CYP3A43: variants seen among roughly 807,000 people sequenced by gnomAD.
CYP3A43 encodes the protein cytochrome P450 3A43.
A neutral mutation model predicts 58.0 loss-of-function variants in CYP3A43; 45 were observed. The ratio of observed to expected loss-of-function variants is 0.78; its 90% CI spans 0.61 to 0.99. CYP3A43 has a LOEUF of 0.99. Among genes scored for constraint, CYP3A43 ranks in the 50% least tolerant of loss-of-function variants. The pLI is 0.00. For missense variants in CYP3A43, 593 were observed against 591.9 expected, an observed-to-expected ratio of 1.00 and a Z score of -0.02; for synonymous variants, 191 against 201.4, an observed-to-expected ratio of 0.95 and a Z score of 0.44.
intron 7 of CYP3A43, chr7:99,850,177 G>A (rs1044670709): frequency 5.9e-5 from 19 of 320,180 alleles, no homozygotes; most frequent in Non-Finnish European, 9.1e-5. Flanking sequence ...GGCTGGTCTC[G>A]AACCCCTAAC....
chr7:99,844,112 G>C (rs756662761), intron 3 of CYP3A43, 31 bp from the exon 4 acceptor site: 1 of 1,568,056 alleles, frequency 6.4e-7, no homozygotes, highest in African/African-American at 1.4e-5. Flanking sequence ...AGGCAAGCGA[G>C]GTTTAGTCAG....
Position 99,847,163 on chromosome 7 carries a change from G to T in CYP3A43, c.319-325G>T, listed in dbSNP as rs561199406. On this transcript the variant is annotated intron_variant, in intron 4 of 12. Coordinates refer to ENST00000354829, the MANE Select transcript of CYP3A43 (RefSeq NM_057095.3). ...TCCCTTTCTGCTTTGCACAACCCTG[G>T]AGGAGTTGCTAGGTCTTGTTCCCAT... Among the ~76,000 whole-genome samples, 24 of 152,202 alleles carry T rather than the reference G, an allele frequency of 1.6e-4. 2 individuals carry two copies. The South Asian group carries it at 5.0e-3, about 32-fold the overall frequency.
intron 1 of CYP3A43, among the ~76,000 whole-genome samples, chr7:99,832,247 TA>T (rs111403180): frequency 0.017 from 2,408 of 141,402 alleles, 62 homozygotes; most frequent in African/African-American, 0.055. Flanking sequence ...GTTCAAAAGA[TA>T]AAAAAAAAAA....
rs914691315 is a variant in CYP3A43, at chr7:99,866,012, G to A, written c.*11G>A. ...ACAAGTGGACCCTGACTTTCCCTAAGGACTTCCACTTTGTTCAAGAAAGCT... is the reference window on the plus strand; with the variant it reads ...ACAAGTGGACCCTGACTTTCCCTAAAGACTTCCACTTTGTTCAAGAAAGCT... On this transcript the variant is annotated 3_prime_UTR_variant, in exon 13 of 13. Transcript: ENST00000354829. The A allele has an allele frequency of 3.2e-6, 5 of 1,550,650 alleles. No individual in the cohort carries two copies. The highest frequency in any genetic ancestry group is 4.4e-6 in the Non-Finnish European group (5 of 1,136,646).
At chr7:99,861,957 T>C in intron 11 of CYP3A43, 118 bp downstream of exon 11, 1 of 852,248 alleles carries the variant, frequency 1.2e-6, no homozygotes, top group Non-Finnish European at 1.8e-6. Context: ...GGAAGTTTTT[T>C]ATTACAAAAT....
At chr7:99,841,915 G>A (rs1817348442) in intron 3 of CYP3A43, among the ~76,000 whole-genome samples, 1 of 152,130 alleles carries the variant, frequency 6.6e-6, no homozygotes. Flanking sequence ...TACTACCTAC[G>A]AGGTTTTCTT....
At position 99,845,049 on chromosome 7, in the gene CYP3A43, C is replaced by T. The variant is rs551067638; in HGVS notation, c.318+807C>T. ...GCGCCATTGCACTCCAGCCTGGCAA[C>T]AGAGCAAGACTCAGTCTCAAAAAAA... On this transcript the variant is annotated intron_variant, in intron 4 of 12. Coordinates refer to ENST00000354829, the MANE Select transcript of CYP3A43 (RefSeq NM_057095.3). Among the ~76,000 whole-genome samples, 16 of 139,482 alleles carry T rather than the reference C, an allele frequency of 1.1e-4. No individual in the cohort carries two copies. The South Asian group carries it at 2.4e-3, about 21-fold the overall frequency. The allele number at this position is 139,482 out of a possible 152,430, so 91.5% of individuals were successfully genotyped here. A position where few individuals can be genotyped will look rare whatever the true frequency, so the allele number is the denominator to read the frequency against.
At chr7:99,849,920 C>T in intron 7 of CYP3A43, 1 of 596,758 alleles carries the variant, frequency 1.7e-6, no homozygotes, top group South Asian at 1.6e-5. Flanking sequence ...AACCACATAC[C>T]ATTTAACCAT....
chr7:99,861,597 G>A lies in CYP3A43; in HGVS notation c.1027-16G>A. ...TCCCAATCTCAATTTATCCAAATCT[G>A]TTTCTTTCTTCCCAGGCACCTGTCA... is the stretch of plus-strand genomic sequence containing the variant. On this transcript the variant is annotated splice_polypyrimidine_tract_variant and intron_variant, in intron 10 of 12. Transcript: ENST00000354829. The A allele has an allele frequency of 6.2e-7, 1 of 1,609,554 alleles. No individual in the cohort carries two copies. The highest frequency in any genetic ancestry group is 8.5e-7 in the Non-Finnish European group (1 of 1,177,120).
At chr7:99,861,872 A>G in intron 11 of CYP3A43, 33 bp downstream of exon 11, 4 of 1,568,858 alleles carry the variant, frequency 2.5e-6, no homozygotes, top group Non-Finnish European at 2.6e-6. Context: ...GCCTTCCCTC[A>G]ACCAGCCTGA....
intron 7 of CYP3A43, among the ~76,000 whole-genome samples, chr7:99,850,566 C>G (rs1028138414): frequency 1.3e-5 from 2 of 152,040 alleles, no homozygotes; most frequent in Admixed American, 1.3e-4. Flanking sequence ...TTATGTTGCC[C>G]AGGCTGGTCT....
chr7:99,853,790 A>G (rs1817853423), intron 7 of CYP3A43, among the ~76,000 whole-genome samples: 1 of 152,192 alleles, frequency 6.6e-6, no homozygotes, highest in Non-Finnish European at 1.5e-5. Context: ...TCCTGACCTC[A>G]GGTGATCCAC....
intron 7 of CYP3A43, 32 bp downstream of exon 7, chr7:99,849,726 CT>C: frequency 2.0e-6 from 3 of 1,533,264 alleles, no homozygotes; most frequent in African/African-American, 1.4e-5. Context: ...TTCTCTCTCT[CT>C]CTCTCTCTCA....
chr7:99,848,849 T>C (rs1817636360), intron 6 of CYP3A43, among the ~76,000 whole-genome samples: 1 of 152,368 alleles, frequency 6.6e-6, no homozygotes, highest in South Asian at 2.1e-4. Flanking sequence ...GAACAACATG[T>C]GTAAGCTGAG....
Position 99,848,215 on chromosome 7 carries a change from G to A in CYP3A43, c.482G>A (p.Arg161Lys). The A allele has an allele frequency of 1.9e-6, 3 of 1,614,178 alleles. No individual in the cohort carries two copies. The highest frequency in any genetic ancestry group is 2.5e-6 in the Non-Finnish European group (3 of 1,180,020). ...GGAGATATGTTGGTGAGAAGCCTGA[G>A]GCAGGAAGCAGAGAACAGCAAGTCC... ...QCGDMLVRSLRQEAENSKSIN... is the reference protein window; with the variant it reads ...QCGDMLVRSLKQEAENSKSIN... The change falls in exon 6 of 13, where the codon AGG becomes AAG. Residue 161 changes from arginine to lysine, a missense_variant. Transcript: ENST00000354829.
At chr7:99,862,292 G>A (rs1464627735) in intron 11 of CYP3A43, among the ~76,000 whole-genome samples, 1 of 152,092 alleles carries the variant, frequency 6.6e-6, no homozygotes, top group East Asian at 1.9e-4. Flanking sequence ...TTAGCACCAC[G>A]TTTAGGACAT....
At position 99,855,659 on chromosome 7, in the gene CYP3A43, C is replaced by A; in HGVS notation, c.739C>A (p.His247Asn). The change falls in exon 8 of 13, where the codon CAT (histidine) becomes AAT (asparagine). Residue 247 changes from histidine (H) to asparagine (N), a missense_variant. His to Asn is a moderately conservative substitution (Grantham distance 68). Transcript: ENST00000354829. ...NIGLFPKDVT[H>N]FLKNSIERMK... ...CGGTTTGTTTCCAAAAGATGTTACC[C>A]ATTTTTTAAAAAATTCCATTGAAAG... The A allele has an allele frequency of 6.2e-7, 1 of 1,613,356 alleles. No homozygotes were observed. The highest frequency in any genetic ancestry group is 2.2e-5 in the East Asian group (1 of 44,814).
intron 4 of CYP3A43, among the ~76,000 whole-genome samples, chr7:99,845,169 G>T (rs932191413): frequency 6.6e-6 from 1 of 151,966 alleles, no homozygotes; most frequent in Non-Finnish European, 1.5e-5. Context: ...AAGATGTAAA[G>T]TTTAGGTCAT....
At chr7:99,865,867 G>C in intron 12 of CYP3A43, 39 bp from the exon 13 acceptor site, 1 of 1,396,308 alleles carries the variant, frequency 7.2e-7, no homozygotes, top group Non-Finnish European at 9.7e-7. Context: ...TTCTTCATTT[G>C]CTTCATTGTT....
Sources: gnomAD v4.1 joint callset for allele counts (sites outside exome capture counted in the v4.1 genomes callset) on GRCh38, gnomAD v4.1.1 for gene constraint, MANE v1.5 for transcripts, NCBI Gene and HGNC (gene_info 2026-07-23, HGNC 2026-07-21) for gene names.